DSG2: variants seen among roughly 807,000 people sequenced by gnomAD.
The protein encoded by DSG2 is desmoglein-2.
A neutral mutation model predicts 75.6 loss-of-function variants in DSG2; 45 were observed. That is an observed-to-expected ratio of 0.60 (90% CI 0.47 to 0.76). The LOEUF (loss-of-function observed/expected upper bound fraction) is 0.76, where lower values mean the gene tolerates loss of function less well. DSG2 is among the 30% of genes least tolerant of loss of function. DSG2 has a pLI of 0.00. For missense variants in DSG2, 1,267 were observed against 1,357.4 expected (o/e 0.93, Z 1.05); for synonymous variants, 429 against 483.9 (o/e 0.89, Z 1.49).
chr18:31,531,397 A>G, intron 9 of DSG2, 145 bp downstream of exon 9: 1 of 994,514 alleles, frequency 1.0e-6, no homozygotes, highest in Non-Finnish European at 1.5e-6. Flanking sequence ...TTTTCCAAAG[A>G]TGTGTCTATA....
At chr18:31,508,088 T>C (rs936969555) in intron 1 of DSG2, among the ~76,000 whole-genome samples, 17 of 152,200 alleles carry the variant, frequency 1.1e-4, no homozygotes, top group Non-Finnish European at 2.2e-4. Flanking sequence ...TAATCCATCA[T>C]GAGTTAATTT....
chr18:31,511,842 A>G (rs1030952186), intron 1 of DSG2, among the ~76,000 whole-genome samples: 1 of 152,338 alleles, frequency 6.6e-6, no homozygotes, highest in East Asian at 1.9e-4. Flanking sequence ...ACAGATTGCC[A>G]GCATCCCAGA....
Position 31,536,442 on chromosome 18 carries a change from A to G in DSG2, c.1651+13A>G. ...GCACGCCAAGAAAGTAAGCAAAATC[A>G]CTGGACTACATAGAAATCTAAATAT... is the stretch of plus-strand genomic sequence containing the variant. On this transcript the variant is annotated intron_variant, in intron 11 of 14. Transcript: ENST00000261590. The G allele has an allele frequency of 1.9e-6, 3 of 1,604,956 alleles. No individual in the cohort carries two copies. Among genetic ancestry groups the G allele is most frequent in the Non-Finnish European group, 2.6e-6 (3 of 1,174,454 alleles).
At chr18:31,528,842 G>C (rs1272999771) in intron 8 of DSG2, among the ~76,000 whole-genome samples, 2 of 152,096 alleles carry the variant, frequency 1.3e-5, no homozygotes, top group Admixed American at 6.6e-5. Context: ...AAGCAGACTG[G>C]GATTGCTTGG....
chr18:31,532,551 T>C (rs1240286834), intron 9 of DSG2, among the ~76,000 whole-genome samples: 1 of 152,214 alleles, frequency 6.6e-6, no homozygotes, highest in African/African-American at 2.4e-5. Flanking sequence ...AGCAACCTTT[T>C]TCCTTTTAGT....
chr18:31,544,335 CAA>C (rs960045661), intron 14 of DSG2, among the ~76,000 whole-genome samples: 9 of 151,684 alleles, frequency 5.9e-5, no homozygotes, highest in African/African-American at 1.9e-4. Flanking sequence ...AGATCAGTAA[CAA>C]AGAGATATAT....
chr18:31,502,348 A>G (rs1414764320), intron 1 of DSG2, among the ~76,000 whole-genome samples: 1 of 151,956 alleles, frequency 6.6e-6, no homozygotes. Flanking sequence ...TTACTGGTCT[A>G]TATTTTGCAA....
chr18:31,498,221 T>TGCGGC lies in DSG2; in HGVS notation c.-29_-25dup. On this transcript the variant is annotated 5_prime_UTR_variant, in exon 1 of 15. Transcript: ENST00000261590. ...CGGGGCAGGCGGCGGCGCGGAGCGGTGCGGCGGCGGGAGGCGGAGGCGAGG... is the reference window on the plus strand; with the variant it reads ...CGGGGCAGGCGGCGGCGCGGAGCGGTGCGGCGCGGCGGCGGGAGGCGGAGGCGAGG... 2 of 1,246,998 alleles carry TGCGGC rather than the reference T, an allele frequency of 1.6e-6. No homozygotes were observed. The highest frequency in any genetic ancestry group is 2.0e-6 in the Non-Finnish European group (2 of 993,476). The allele number at this position is 1,246,998 out of a possible 1,614,324, so 77.2% of individuals were successfully genotyped here.
chr18:31,513,211 A>G lies in DSG2; in HGVS notation c.46-5028A>G, dbSNP rs73956198. 2.9e-3 allele frequency among the ~76,000 whole-genome samples: 444 copies of G among 152,300 alleles called. 2 individuals are homozygous for G. Among genetic ancestry groups the G allele is most frequent in the African/African-American group, 0.01 (420 of 41,572 alleles). On this transcript the variant is annotated intron_variant, in intron 1 of 14. Coordinates refer to ENST00000261590, the MANE Select transcript of DSG2 (RefSeq NM_001943.5). ...AGAGAGAGAGTTGGTCCAAATTTGA[A>G]CGATTCTGTAACTTAAAGCCTTTAT...
chr18:31,535,211 G>A, intron 9 of DSG2, 59 bp from the exon 10 acceptor site: 1 of 1,115,544 alleles, frequency 9.0e-7, no homozygotes, highest in South Asian at 1.3e-5. Flanking sequence ...AGCTGTAGAT[G>A]TTAGAGGTTT....
At chr18:31,514,584 C>T (rs1598807050) in intron 1 of DSG2, among the ~76,000 whole-genome samples, 1 of 152,308 alleles carries the variant, frequency 6.6e-6, no homozygotes, top group South Asian at 2.1e-4. Flanking sequence ...AATGATATTT[C>T]ATGTCACATT....
Position 31,545,978 on chromosome 18 carries a change from C to T in DSG2, c.2592C>T (p.Asn864=), listed in dbSNP as rs761000425. ...AACCTGCCACAGAAACAAGTATGAA[C>T]ACAGCTTCACATTCACTCTGTGAGC... ...RQKPATETSM[N]TASHSLCEQT... is the part of the protein sequence containing the mutation. The change falls in exon 15 of 15, where the codon AAC becomes AAT. Residue 864 remains asparagine (N), a synonymous_variant. Coordinates refer to ENST00000261590, the MANE Select transcript of DSG2 (RefSeq NM_001943.5). The T allele has an allele frequency of 4.3e-6, 7 of 1,614,170 alleles. No individual in the cohort carries two copies. Among genetic ancestry groups the T allele is most frequent in the Admixed American group, 1.7e-5 (1 of 60,028 alleles).
chr18:31,517,456 T>C (rs1460410628), intron 1 of DSG2, among the ~76,000 whole-genome samples: 2 of 152,230 alleles, frequency 1.3e-5, no homozygotes, highest in East Asian at 3.8e-4. Flanking sequence ...GTTTCTAGCA[T>C]AATGAAAAGA....
rs532305326 is a variant in DSG2, at chr18:31,520,942, G to A, written c.356G>A (p.Arg119Gln). The change falls in exon 4 of 15, where the codon CGA (arginine) becomes CAA (glutamine). Residue 119 changes from arginine to glutamine, a missense_variant. Physicochemically the swap from Arg to Gln is conservative, Grantham distance 43. Coordinates refer to ENST00000261590, the MANE Select transcript of DSG2 (RefSeq NM_001943.5). ...CTGAATGTTACCAGCATTCTTGATC[G>A]AGAAGAAACACCATTTTTTCTGGTA... ...GELNVTSILD[R>Q]EETPFFLLTG... is the part of the protein sequence containing the mutation. 2.4e-5 allele frequency: 38 copies of A among 1,613,666 alleles called. No individual in the cohort carries two copies. In the East Asian group the frequency reaches 4.9e-4, roughly 21 times the overall value.
chr18:31,541,453 G>T, intron 13 of DSG2, 139 bp downstream of exon 13: 1 of 1,140,204 alleles, frequency 8.8e-7, no homozygotes, highest in East Asian at 2.6e-5. Context: ...TAAGCAAAGA[G>T]TTCAAATGAC....
At chr18:31,513,786 A>G (rs1320601951) in intron 1 of DSG2, among the ~76,000 whole-genome samples, 1 of 152,218 alleles carries the variant, frequency 6.6e-6, no homozygotes, top group Non-Finnish European at 1.5e-5. Context: ...ACAACGGAGA[A>G]ACTGCAATCA....
In DSG2 at chr18:31,498,306, G is replaced by A. The variant is rs776975980; in HGVS notation, c.45+10G>A. 4.8e-6 allele frequency: 6 copies of A among 1,262,276 alleles called. No individual in the cohort carries two copies. Among genetic ancestry groups the A allele is most frequent in the South Asian group, 3.9e-5 (1 of 25,800 alleles). The allele number at this position is 1,262,276 out of a possible 1,614,324, so 78.2% of individuals were successfully genotyped here. On this transcript the variant is annotated intron_variant, in intron 1 of 14. Transcript: ENST00000261590. Reference sequence around the variant, plus strand: ...CCTGCTGCTTCTCCTGGTAAGTGCCGCAAGCGGGACAGGGGAGCCACCGCC... The same window carrying A: ...CCTGCTGCTTCTCCTGGTAAGTGCCACAAGCGGGACAGGGGAGCCACCGCC...
At position 31,524,506 on chromosome 18, in the gene DSG2, A is replaced by G; in HGVS notation, c.749A>G (p.Asp250Gly). 2.5e-6 allele frequency: 4 copies of G among 1,614,180 alleles called. No homozygotes were observed. Among genetic ancestry groups the G allele is most frequent in the Non-Finnish European group, 3.4e-6 (4 of 1,180,016 alleles). Residue 250 changes from aspartate to glycine, a missense_variant, in exon 7 of 15, where the codon GAC becomes GGC. Physicochemically the swap from Asp to Gly is moderately conservative, Grantham distance 94 (BLOSUM62 -1). Coordinates refer to ENST00000261590, the MANE Select transcript of DSG2 (RefSeq NM_001943.5). ...EARDGNGEVTDKPVKQAQVQI... is the reference protein window; with the variant it reads ...EARDGNGEVTGKPVKQAQVQI... Reference sequence around the variant, plus strand: ...AGAGATGGCAATGGAGAAGTTACAGACAAACCTGTAAAACAAGCTCAAGTT... The same window carrying G: ...AGAGATGGCAATGGAGAAGTTACAGGCAAACCTGTAAAACAAGCTCAAGTT...
chr18:31,499,549 G>T (rs1306472035), intron 1 of DSG2, among the ~76,000 whole-genome samples: 2 of 152,148 alleles, frequency 1.3e-5, no homozygotes, highest in African/African-American at 4.8e-5. Context: ...AACTTTCAAT[G>T]AAAATTCATT....
Sources: gnomAD v4.1 joint callset for allele counts (sites outside exome capture counted in the v4.1 genomes callset) on GRCh38, gnomAD v4.1.1 for gene constraint, MANE v1.5 for transcripts, NCBI Gene and HGNC (gene_info 2026-07-23, HGNC 2026-07-21) for gene names.